Variants in SENP7 observed in about 807,000 individuals in gnomAD.
The protein encoded by SENP7 is SUMO specific peptidase 7.
Under a neutral mutation model 141.2 loss-of-function variants are expected in SENP7, and 64 were observed. That is an observed-to-expected ratio of 0.45 (90% CI 0.37 to 0.56). The LOEUF is 0.56. SENP7 is among the 20% of genes least tolerant of loss of function. The pLI is 0.00. For missense variants in SENP7, 1,025 were observed against 1,212.2 expected (o/e 0.85, Z 2.29); for synonymous variants, 382 against 426.4 (o/e 0.90, Z 1.28).
intron 3 of SENP7, among the ~76,000 whole-genome samples, chr3:101,481,188 A>G (rs1169903833): frequency 2.0e-5 from 3 of 152,180 alleles, no homozygotes; most frequent in Admixed American, 2.0e-4. Context: ...ATACACTCCC[A>G]TGTTTACTGC....
At position 101,330,253 on chromosome 3, in the gene SENP7, C is replaced by T. The variant is rs1421025061; in HGVS notation, c.2751+81G>A. Reference sequence around the variant, plus strand: ...TCTAATGATGGGCCAGCATAGCCCACCTAGCTATGCTCTATTTTACAGATA... The same window carrying T: ...TCTAATGATGGGCCAGCATAGCCCATCTAGCTATGCTCTATTTTACAGATA... On this transcript the variant is annotated intron_variant, in intron 20 of 23. Transcript: ENST00000394095. The T allele has an allele frequency of 2.9e-6, 3 of 1,025,778 alleles. No homozygotes were observed. In the African/African-American group the frequency reaches 4.8e-5, roughly 16 times the overall value. The allele number at this position is 1,025,778 out of a possible 1,614,324, so 63.5% of individuals were successfully genotyped here. A position where few individuals can be genotyped will look rare whatever the true frequency, so the allele number is the denominator to read the frequency against.
Position 101,366,452 on chromosome 3 carries a change from T to A in SENP7, c.1296A>T (p.Gln432His). 1 of 1,607,412 alleles carries A rather than the reference T, an allele frequency of 6.2e-7. No homozygotes were observed. The highest frequency in any genetic ancestry group is 1.3e-5 in the African/African-American group (1 of 74,856). Residue 432 changes from glutamine (Q) to histidine (H), a missense_variant, in exon 9 of 24, where the codon CAA becomes CAT. Gln to His is a conservative substitution (Grantham distance 24). Around this residue, in one of 4 missense-constraint regions of SENP7, gnomAD observed 496 missense variants for 503.5 expected, o/e 0.99. Coordinates refer to ENST00000394095, the MANE Select transcript of SENP7 (RefSeq NM_020654.5). ...TACTTGGTTCAGCTGAGATCAGTGA[T>A]TGGTTCCCTTCATTATGTCCTCTTA... ...PILRGHNEGN[Q>H]SLISAEPIVV...
intron 11 of SENP7, among the ~76,000 whole-genome samples, chr3:101,352,395 C>T (rs2059634712): frequency 6.6e-6 from 1 of 152,000 alleles, no homozygotes; most frequent in Non-Finnish European, 1.5e-5. Context: ...TAGGTGGGCA[C>T]CACCGTCTTC....
At chr3:101,439,515 G>A (rs2062556978) in intron 4 of SENP7, among the ~76,000 whole-genome samples, 4 of 42,036 alleles carry the variant, frequency 9.5e-5, no homozygotes, top group African/African-American at 3.0e-4. Context: ...TCAGCCCCCC[G>A]CCTGGCCAGC....
intron 4 of SENP7, among the ~76,000 whole-genome samples, chr3:101,420,124 T>C (rs1043753959): frequency 2.6e-5 from 4 of 152,132 alleles, no homozygotes; most frequent in Non-Finnish European, 4.4e-5. Context: ...TCCCAGCACT[T>C]TGGGAGGCCA....
chr3:101,386,710 G>GC lies in SENP7; in HGVS notation c.677+12150dup, dbSNP rs2060662297. ...AGTAGTGCAATGCTCCAGGAAGGTT[G>GC]CCCCCAGGACAAAAGGAGTCAAAGC... On this transcript the variant is annotated intron_variant, in intron 6 of 23. Transcript: ENST00000394095. 2.6e-5 allele frequency among the ~76,000 whole-genome samples: 4 copies of GC among 152,284 alleles called. No homozygotes were observed. In the South Asian group the frequency reaches 8.3e-4, roughly 32 times the overall value.
At chr3:101,401,121 A>C (rs1399948289) in intron 5 of SENP7, among the ~76,000 whole-genome samples, 1 of 151,932 alleles carries the variant, frequency 6.6e-6, no homozygotes, top group African/African-American at 2.4e-5. Flanking sequence ...AGAACTAAAA[A>C]TTACTAAACC....
chr3:101,356,074 A>G (rs902602810), intron 11 of SENP7, among the ~76,000 whole-genome samples: 2 of 152,128 alleles, frequency 1.3e-5, no homozygotes, highest in Non-Finnish European at 2.9e-5. Flanking sequence ...TTATTACATA[A>G]AAGTACAATT....
At chr3:101,358,606 C>T (rs368292763) in intron 11 of SENP7, 2 of 175,646 alleles carry the variant, frequency 1.1e-5, no homozygotes, top group East Asian at 1.7e-4. Context: ...AAGAACGTGG[C>T]AAAGCCTACA....
At position 101,396,783 on chromosome 3, in the gene SENP7, G is replaced by T. The variant is rs184161081; in HGVS notation, c.677+2078C>A. Among the ~76,000 whole-genome samples the T allele has an allele frequency of 3.8e-3, 581 of 152,304 alleles. 2 individuals carry two copies. The highest frequency in any genetic ancestry group is 5.0e-3 in the Non-Finnish European group (337 of 68,020). On this transcript the variant is annotated intron_variant, in intron 6 of 23. Coordinates refer to ENST00000394095, the MANE Select transcript of SENP7 (RefSeq NM_020654.5). ...TCAAGGAGCTCATGGTATAGCAGAGGAGGTGGAAATAAACAGCTATACTGC... is the reference window on the plus strand; with the variant it reads ...TCAAGGAGCTCATGGTATAGCAGAGTAGGTGGAAATAAACAGCTATACTGC...
At chr3:101,387,690 C>T (rs1244495370) in intron 6 of SENP7, among the ~76,000 whole-genome samples, 2 of 152,168 alleles carry the variant, frequency 1.3e-5, no homozygotes, top group Non-Finnish European at 2.9e-5. Flanking sequence ...AGCATGAGGA[C>T]AGGTACTTCC....
At chr3:101,427,117 C>G (rs768681104) in intron 4 of SENP7, among the ~76,000 whole-genome samples, 1 of 152,080 alleles carries the variant, frequency 6.6e-6, no homozygotes, top group Non-Finnish European at 1.5e-5. Context: ...TCAAATCCAC[C>G]AGCATACCAA....
chr3:101,483,375 A>T (rs1308537813), intron 3 of SENP7, among the ~76,000 whole-genome samples: 1 of 152,216 alleles, frequency 6.6e-6, no homozygotes, highest in African/African-American at 2.4e-5. Context: ...CACCCATGCC[A>T]TCTTTATGTC....
chr3:101,391,247 A>G (rs1396595389), intron 6 of SENP7, among the ~76,000 whole-genome samples: 4 of 152,024 alleles, frequency 2.6e-5, no homozygotes, highest in Admixed American at 2.6e-4. Context: ...AAAGTCATAG[A>G]AGAACTAAAT....
At chr3:101,382,707 T>C (rs565153452) in intron 6 of SENP7, among the ~76,000 whole-genome samples, 20 of 152,148 alleles carry the variant, frequency 1.3e-4, no homozygotes, top group African/African-American at 2.4e-4. Flanking sequence ...TACAGACTTG[T>C]TCAGGAATTG....
intron 13 of SENP7, among the ~76,000 whole-genome samples, chr3:101,344,978 GA>G (rs1217663761): frequency 7.5e-5 from 3 of 39,958 alleles, no homozygotes; most frequent in African/African-American, 4.2e-4. Flanking sequence ...CCCATCTCTA[GA>G]AAAAAAGAAA....
At chr3:101,442,250 G>A (rs76494097) in intron 4 of SENP7, among the ~76,000 whole-genome samples, 4,551 of 152,238 alleles carry the variant, frequency 0.03, 103 homozygotes, top group Non-Finnish European at 0.05. Flanking sequence ...CTAAGGCAGC[G>A]ATCCCCAACT....
chr3:101,325,763 C>A lies in SENP7; in HGVS notation c.*180G>T. 1 of 414,608 alleles carries A rather than the reference C, an allele frequency of 2.4e-6. No individual in the cohort carries two copies. The highest frequency in any genetic ancestry group is 1.1e-4 in the South Asian group (1 of 9,086). The allele number at this position is 414,608 out of a possible 1,614,324, so 25.7% of individuals were successfully genotyped here. Reference sequence around the variant, plus strand: ...TATCTATATCACCCCCATTCCCATTCCATCTATGAGATCCCAACAATTCTA... The same window carrying A: ...TATCTATATCACCCCCATTCCCATTACATCTATGAGATCCCAACAATTCTA... On this transcript the variant is annotated 3_prime_UTR_variant, in exon 24 of 24. Transcript: ENST00000394095.
intron 4 of SENP7, among the ~76,000 whole-genome samples, chr3:101,424,451 T>C (rs574432778): frequency 6.6e-6 from 1 of 152,098 alleles, no homozygotes; most frequent in South Asian, 2.1e-4. Flanking sequence ...CTCCCACAAC[T>C]GACCACCATT....
Sources: allele counts gnomAD v4.1 joint callset (sites outside exome capture counted in the v4.1 genomes callset), GRCh38; gene constraint gnomAD v4.1.1; regional missense constraint gnomAD v4.1.1; transcripts MANE v1.5; gene names NCBI Gene and HGNC (gene_info 2026-07-23, HGNC 2026-07-21).